The following CREBZF variants were observed in gnomAD, a reference collection of about 807,000 sequenced individuals.
The protein encoded by CREBZF is HCF-binding transcription factor Zhangfei.
A neutral mutation model predicts 21.1 loss-of-function variants in CREBZF; 8 were observed. That is an observed-to-expected ratio of 0.38 (90% CI 0.22 to 0.68). The LOEUF (loss-of-function observed/expected upper bound fraction) is 0.68. Among genes scored for constraint, CREBZF ranks in the 30% least tolerant of loss-of-function variants. The probability of loss-of-function intolerance (pLI) is 0.51; values close to 1 mark genes in which losing one functional copy is unlikely to be tolerated. For missense variants in CREBZF, 518 were observed against 484.3 expected, an observed-to-expected ratio of 1.07 and a Z score of -0.65; for synonymous variants, 270 against 223.3, an observed-to-expected ratio of 1.21 and a Z score of -1.86.
In CREBZF at chr11:85,664,647, C is replaced by A. The variant is rs376377051; in HGVS notation, c.229G>T (p.Ala77Ser). 2 of 1,606,450 alleles carry A rather than the reference C, an allele frequency of 1.2e-6. No homozygotes were observed. Among genetic ancestry groups the A allele is most frequent in the Non-Finnish European group, 1.7e-6 (2 of 1,176,184 alleles). Reference protein sequence around the residue: ...RGSRGGVAVRAPSPEEMEEEA... With the variant: ...RGSRGGVAVRSPSPEEMEEEA... ...TCCTCCATCTCCTCGGGGGAGGGCGCGCGCACGGCCACGCCGCCGCGGCTC... is the reference window on the plus strand; with the variant it reads ...TCCTCCATCTCCTCGGGGGAGGGCGAGCGCACGGCCACGCCGCCGCGGCTC... Residue 77 changes from alanine to serine, a missense_variant, in exon 1 of 1, where the codon GCG (alanine) becomes TCG (serine). Coordinates refer to ENST00000527447, the MANE Select transcript of CREBZF (RefSeq NM_001039618.4). The surrounding 1 kb of genome is among the most constrained non-coding windows in gnomAD (Gnocchi z 5.5).
chr11:85,665,746 A>G (rs1426702960), upstream of CREBZF, among the ~76,000 whole-genome samples: 1 of 152,198 alleles, frequency 6.6e-6, no homozygotes, highest in Non-Finnish European at 1.5e-5. Flanking sequence ...CCATTTTTGT[A>G]AGTAGATGTT....
rs1422368391 is a variant in CREBZF, at chr11:85,676,970, C to CT, written n.147+5746dup. On this transcript the variant is annotated intron_variant and non_coding_transcript_variant, in intron 1 of 3. Transcript: ENST00000531515. ...TAAAGTAATTTTTTTCTTTTTCTGT[C>CT]TTTTTTTTTTTGAGACAGAATGTCA... is the stretch of plus-strand genomic sequence containing the variant. Among the ~76,000 whole-genome samples the CT allele has an allele frequency of 5.6e-4, 66 of 118,606 alleles. 1 individual carries two copies. The highest frequency in any genetic ancestry group is 1.7e-3 in the South Asian group (6 of 3,534). The allele number at this position is 118,606 out of a possible 152,430, so 77.8% of individuals were successfully genotyped here. A position where few individuals can be genotyped will look rare whatever the true frequency, so the allele number is the denominator to read the frequency against.
chr11:85,681,113 G>C (rs1017252966), intron 1 of CREBZF, among the ~76,000 whole-genome samples: 1 of 152,220 alleles, frequency 6.6e-6, no homozygotes. Flanking sequence ...CTGTCTGGAG[G>C]GGGAGGGTAG....
At chr11:85,672,941 T>C (rs1360188220) in intron 1 of CREBZF, among the ~76,000 whole-genome samples, 1 of 152,216 alleles carries the variant, frequency 6.6e-6, no homozygotes, top group Non-Finnish European at 1.5e-5. Flanking sequence ...ATCGAGATGC[T>C]GTTACTGAAA....
intron 1 of CREBZF, among the ~76,000 whole-genome samples, chr11:85,674,920 T>G (rs1181240771): frequency 6.6e-6 from 1 of 152,242 alleles, no homozygotes; most frequent in African/African-American, 2.4e-5. Context: ...CCAAACCTCA[T>G]GAACCAACCT....
chr11:85,661,152 T>A lies in CREBZF; in HGVS notation c.*2659A>T, dbSNP rs529828743. 6.5e-6 allele frequency: 1 copy of A among 152,760 alleles called. No individual in the cohort carries two copies. The highest frequency in any genetic ancestry group is 2.1e-4 in the South Asian group (1 of 4,832). 9.5% of individuals were successfully genotyped at this position (152,760 alleles called of 1,614,324 possible). ...TTTACTACATACTGAAATAAACAGATCTGTTTAAATTCAGAAACCCAAACA... is the reference window on the plus strand; with the variant it reads ...TTTACTACATACTGAAATAAACAGAACTGTTTAAATTCAGAAACCCAAACA... On this transcript the variant is annotated 3_prime_UTR_variant, in exon 1 of 1. Transcript: ENST00000527447.
At chr11:85,676,852 C>G (rs2082945433) in intron 1 of CREBZF, among the ~76,000 whole-genome samples, 1 of 144,146 alleles carries the variant, frequency 6.9e-6, no homozygotes. Context: ...TCATGTTGCT[C>G]AGGCTGGTCT....
chr11:85,672,202 C>G (rs1488923758), intron 1 of CREBZF, among the ~76,000 whole-genome samples: 1 of 152,258 alleles, frequency 6.6e-6, no homozygotes, highest in African/African-American at 2.4e-5. Flanking sequence ...TTAGCTACAG[C>G]TGGAGCATGC....
In CREBZF at chr11:85,659,797, C is replaced by T. The variant is rs2082623143; in HGVS notation, c.*4014G>A. The stretch of plus-strand genomic sequence containing the variant: ...CACAAAAAGCCACTCCCATCATCCA[C>T]AATACTAAAGTCCTTATACAACACT... On this transcript the variant is annotated 3_prime_UTR_variant, in exon 1 of 1. Coordinates refer to ENST00000527447, the MANE Select transcript of CREBZF (RefSeq NM_001039618.4). 6.6e-6 allele frequency: 1 copy of T among 151,982 alleles called. No homozygotes were observed. 9.4% of individuals were successfully genotyped at this position (151,982 alleles called of 1,614,324 possible). A position where few individuals can be genotyped will look rare whatever the true frequency, so the allele number is the denominator to read the frequency against.
At position 85,661,666 on chromosome 11, in the gene CREBZF, T is replaced by C. The variant is rs901447637; in HGVS notation, c.*2145A>G. 1.3e-5 allele frequency: 2 copies of C among 152,540 alleles called. No homozygotes were observed. Among genetic ancestry groups the C allele is most frequent in the African/African-American group, 2.4e-5 (1 of 41,442 alleles). The allele number at this position is 152,540 out of a possible 1,614,324, so 9.4% of individuals were successfully genotyped here. ...TTCCAGAACCTTTTAAGACCCACAG[T>C]CAGCATTAACAATCATTTTTCCTAT... On this transcript the variant is annotated 3_prime_UTR_variant, in exon 1 of 1. Coordinates refer to ENST00000527447, the MANE Select transcript of CREBZF (RefSeq NM_001039618.4).
rs747128865 is a variant in CREBZF, at chr11:85,664,635, C to T, written c.241G>A (p.Glu81Lys). 69 of 1,606,574 alleles carry T rather than the reference C, an allele frequency of 4.3e-5. No individual in the cohort carries two copies. Among genetic ancestry groups the T allele is most frequent in the African/African-American group, 1.2e-4 (9 of 74,520 alleles). The change falls in exon 1 of 1, where the codon GAG becomes AAG. Residue 81 changes from glutamate (E) to lysine (K), a missense_variant. This residue lies in a region of CREBZF where 396 missense variants were observed against 324.4 expected (regional missense o/e 1.22). Coordinates refer to ENST00000527447, the MANE Select transcript of CREBZF (RefSeq NM_001039618.4). The surrounding 1 kb of genome is among the most constrained non-coding windows in gnomAD (Gnocchi z 5.5). The stretch of plus-strand genomic sequence containing the variant: ...GCGATCGCCTCCTCCTCCATCTCCT[C>T]GGGGGAGGGCGCGCGCACGGCCACG... The part of the protein sequence containing the change: ...GGVAVRAPSP[E>K]EMEEEAIASL...
chr11:85,665,425 G>GCGTA (rs1334563771), upstream of CREBZF, among the ~76,000 whole-genome samples: 1 of 149,760 alleles, frequency 6.7e-6, no homozygotes, highest in Non-Finnish European at 1.5e-5. Flanking sequence ...CCACACCCCT[G>GCGTA]CGTACTTCAG....
upstream of CREBZF, among the ~76,000 whole-genome samples, chr11:85,666,541 TCTAGTTCTTAAATCTTAAAG>T (rs1485133733): frequency 6.6e-6 from 1 of 152,244 alleles, no homozygotes; most frequent in African/African-American, 2.4e-5. Context: ...TAACTGCTCT[TCTAGTTCTTAAATCTTAAAG>T]AAACTTCTCT....
intron 1 of CREBZF, among the ~76,000 whole-genome samples, chr11:85,677,519 A>G (rs986477448): frequency 6.6e-6 from 1 of 152,116 alleles, no homozygotes; most frequent in Non-Finnish European, 1.5e-5. Flanking sequence ...CAATTGTCCT[A>G]TTGAATGTCC....
upstream of CREBZF, chr11:85,665,223 C>G (rs1857019293): frequency 6.9e-6 from 2 of 288,884 alleles, no homozygotes; most frequent in Admixed American, 5.2e-5. Flanking sequence ...GGGAATAATT[C>G]CAGCTTTCTA....
At position 85,676,813 on chromosome 11, in the gene CREBZF, T is replaced by C. The variant is rs1469340609; in HGVS notation, n.147+5904A>G. ...CCACCACACTGGGCTAATTTTTCTT[T>C]TTTTTTTTTTTGTAGAGTCAGGATT... On this transcript the variant is annotated intron_variant and non_coding_transcript_variant, in intron 1 of 3. Coordinates refer to the CREBZF transcript ENST00000531515. Among the ~76,000 whole-genome samples the C allele has an allele frequency of 1.3e-5, 2 of 148,580 alleles. 1 individual carries two copies. The highest frequency in any genetic ancestry group is 3.0e-5 in the Non-Finnish European group (2 of 67,028).
chr11:85,682,667 C>A, intron 1 of CREBZF: 2 of 589,824 alleles, frequency 3.4e-6, no homozygotes, highest in Non-Finnish European at 6.1e-6. Flanking sequence ...CCCTGGAGCC[C>A]ACTCCCCTTG....
At chr11:85,676,999 T>C (rs1219019360) in intron 1 of CREBZF, among the ~76,000 whole-genome samples, 1 of 121,580 alleles carries the variant, frequency 8.2e-6, no homozygotes, top group African/African-American at 3.3e-5. Context: ...AATGTCACTC[T>C]GTCACCCAGG....
At chr11:85,679,665 G>C (rs1162424955) in intron 1 of CREBZF, among the ~76,000 whole-genome samples, 1 of 152,156 alleles carries the variant, frequency 6.6e-6, no homozygotes, top group Non-Finnish European at 1.5e-5. Context: ...CAAACCTCTA[G>C]GAGAGAAATA....
Sources: allele counts gnomAD v4.1 joint callset (sites outside exome capture counted in the v4.1 genomes callset), GRCh38; gene constraint gnomAD v4.1.1; regional missense constraint gnomAD v4.1.1; non-coding constraint Gnocchi (gnomAD v3.1); transcripts MANE v1.5; gene names NCBI Gene and HGNC (gene_info 2026-07-23, HGNC 2026-07-21).